Variants in NRIP1 observed in about 807,000 individuals in gnomAD.
NRIP1 encodes nuclear receptor interacting protein 1, also known as nuclear receptor-interacting protein 1.
NRIP1 carries 28 observed loss-of-function variants against 75.0 expected under a neutral mutation model. That is an observed-to-expected ratio of 0.37 (90% CI 0.28 to 0.51). The LOEUF (loss-of-function observed/expected upper bound fraction) is 0.51. Among genes scored for constraint, NRIP1 ranks in the 20% least tolerant of loss-of-function variants. NRIP1 has a pLI of 0.92. For missense variants in NRIP1, 1,435 were observed against 1,343.7 expected, an observed-to-expected ratio of 1.07 and a Z score of -1.06; for synonymous variants, 526 against 487.6, an observed-to-expected ratio of 1.08 and a Z score of -1.04.
At chr21:15,044,626 C>A (rs1417772603) in intron 1 of NRIP1, among the ~76,000 whole-genome samples, 1 of 152,132 alleles carries the variant, frequency 6.6e-6, no homozygotes, top group African/African-American at 2.4e-5. Flanking sequence ...TCAGTTCTCA[C>A]AGATTATAGC....
intron 3 of NRIP1, among the ~76,000 whole-genome samples, chr21:14,975,385 GAC>G (rs1206423804): frequency 6.6e-6 from 1 of 152,026 alleles, no homozygotes; most frequent in Non-Finnish European, 1.5e-5. Flanking sequence ...AGACTATAAA[GAC>G]AGTGTCTCCA....
At chr21:15,008,235 C>T (rs1215114450) in intron 3 of NRIP1, among the ~76,000 whole-genome samples, 1 of 152,174 alleles carries the variant, frequency 6.6e-6, no homozygotes, top group East Asian at 1.9e-4. Flanking sequence ...AAAAGGACCG[C>T]CAGCATCAGG....
At chr21:14,999,184 C>T (rs575368188) in intron 3 of NRIP1, among the ~76,000 whole-genome samples, 1 of 152,014 alleles carries the variant, frequency 6.6e-6, no homozygotes, top group South Asian at 2.1e-4. Flanking sequence ...ACTATGGTGC[C>T]CAGACTGATC....
chr21:15,028,870 T>C (rs1321087573), intron 2 of NRIP1, among the ~76,000 whole-genome samples: 1 of 152,174 alleles, frequency 6.6e-6, no homozygotes, highest in Non-Finnish European at 1.5e-5. Context: ...AACAAGTGTT[T>C]ATCTGACATC....
intron 3 of NRIP1, among the ~76,000 whole-genome samples, chr21:14,981,487 TAGTC>T (rs2087232499): frequency 6.6e-6 from 1 of 152,180 alleles, no homozygotes; most frequent in Non-Finnish European, 1.5e-5. Context: ...CTGCCACTCA[TAGTC>T]AGATACAGAC....
intron 3 of NRIP1, among the ~76,000 whole-genome samples, chr21:14,993,906 G>GT (rs2087642354): frequency 1.3e-5 from 2 of 152,074 alleles, no homozygotes; most frequent in South Asian, 4.1e-4. Flanking sequence ...TTATACTCAA[G>GT]TATCTTGAAC....
intron 2 of NRIP1, among the ~76,000 whole-genome samples, chr21:15,020,001 T>C (rs1247351758): frequency 2.0e-5 from 3 of 152,142 alleles, no homozygotes; most frequent in Non-Finnish European, 2.9e-5. Flanking sequence ...GACTTGTTTA[T>C]TGGAACAAAG....
upstream of NRIP1, chr21:15,065,604 C>T (rs907772559): frequency 2.7e-5 from 4 of 149,740 alleles, no homozygotes; most frequent in Non-Finnish European, 4.5e-5. Context: ...ATCTGTGTGT[C>T]CTGCTTTAAT....
intron 1 of NRIP1, among the ~76,000 whole-genome samples, chr21:15,058,700 C>T (rs937776228): frequency 1.3e-4 from 20 of 152,082 alleles, no homozygotes; most frequent in African/African-American, 4.6e-4. Flanking sequence ...TGTACATAAA[C>T]GATTCCCCAT....
intron 2 of NRIP1, among the ~76,000 whole-genome samples, chr21:15,040,042 C>T (rs1340388850): frequency 6.6e-6 from 1 of 152,060 alleles, no homozygotes; most frequent in Non-Finnish European, 1.5e-5. Flanking sequence ...GACTAAAGCA[C>T]TGTCTTTTAA....
At chr21:15,004,270 C>A (rs555581656) in intron 3 of NRIP1, among the ~76,000 whole-genome samples, 24 of 152,282 alleles carry the variant, frequency 1.6e-4, no homozygotes, top group Admixed American at 6.5e-4. Context: ...CCTGATTCTA[C>A]TTCAGTCAAA....
In NRIP1 at chr21:14,961,988, ACAAGT is replaced by A. The variant is rs1350208408; in HGVS notation, c.*2723_*2727del. 3 of 137,478 alleles carry A rather than the reference ACAAGT, an allele frequency of 2.2e-5. No homozygotes were observed. Among genetic ancestry groups the A allele is most frequent in the African/African-American group, 8.3e-5 (3 of 36,052 alleles). 8.5% of individuals were successfully genotyped at this position (137,478 alleles called of 1,614,324 possible). On this transcript the variant is annotated 3_prime_UTR_variant, in exon 4 of 4. Transcript: ENST00000318948. Reference sequence around the variant, plus strand: ...AAACCGATTTTAACATCTTCATGTAACAAGTCAATATATATATATATACATATTAT... The same window carrying A: ...AAACCGATTTTAACATCTTCATGTAACAATATATATATATATACATATTAT...
At position 15,011,503 on chromosome 21, in the gene NRIP1, T is replaced by A. The variant is rs115187537; in HGVS notation, c.-335+2841A>T. On this transcript the variant is annotated intron_variant, in intron 3 of 3. Coordinates refer to ENST00000318948, the MANE Select transcript of NRIP1 (RefSeq NM_003489.4). ...CACGCCCAGAGTACTGGCCCTTTTTTAAAAAAAAATTTATATAGATATTTT... is the reference window on the plus strand; with the variant it reads ...CACGCCCAGAGTACTGGCCCTTTTTAAAAAAAAAATTTATATAGATATTTT... 0.017 allele frequency among the ~76,000 whole-genome samples: 2,595 copies of A among 151,860 alleles called. 228 individuals carry two copies. In the East Asian group the frequency reaches 0.27, roughly 16 times the overall value.
chr21:15,045,981 T>C (rs1328840515), intron 1 of NRIP1, among the ~76,000 whole-genome samples: 1 of 128,222 alleles, frequency 7.8e-6, no homozygotes, highest in Non-Finnish European at 1.6e-5. Context: ...TTCTTGCAAT[T>C]TCCACCACAT....
chr21:15,031,540 G>T (rs1030103623), intron 2 of NRIP1, among the ~76,000 whole-genome samples: 1 of 130,754 alleles, frequency 7.6e-6, no homozygotes, highest in African/African-American at 2.9e-5. Flanking sequence ...CTGGAAGGCG[G>T]TTGGAGGTTC....
intron 3 of NRIP1, among the ~76,000 whole-genome samples, chr21:15,001,623 G>A (rs972048842): frequency 1.3e-5 from 2 of 151,806 alleles, no homozygotes; most frequent in Admixed American, 1.3e-4. Context: ...ACAGTATAAT[G>A]TTTATGCAAA....
At chr21:14,982,304 G>A (rs2087258832) in intron 3 of NRIP1, among the ~76,000 whole-genome samples, 1 of 152,094 alleles carries the variant, frequency 6.6e-6, no homozygotes, top group African/African-American at 2.4e-5. Flanking sequence ...CATTAAACAA[G>A]AGGTTATAAA....
intron 2 of NRIP1, among the ~76,000 whole-genome samples, chr21:15,036,572 T>A (rs1197950663): frequency 6.6e-6 from 1 of 151,684 alleles, no homozygotes; most frequent in Non-Finnish European, 1.5e-5. Flanking sequence ...ATATACATGA[T>A]CTTCAGATTT....
At chr21:15,014,901 C>A (rs2088190033) in intron 2 of NRIP1, among the ~76,000 whole-genome samples, 1 of 147,966 alleles carries the variant, frequency 6.8e-6, no homozygotes, top group South Asian at 2.1e-4. Flanking sequence ...AGTATGTAAT[C>A]TTTGCAGCAA....
Sources: gnomAD v4.1 joint callset for allele counts (sites outside exome capture counted in the v4.1 genomes callset) on GRCh38, gnomAD v4.1.1 for gene constraint, MANE v1.5 for transcripts, NCBI Gene and HGNC (gene_info 2026-07-23, HGNC 2026-07-21) for gene names.